Variants in MRPS28 observed in about 807,000 individuals in gnomAD.
MRPS28 encodes small ribosomal subunit protein bS1m.
Under a neutral mutation model 10.8 loss-of-function variants are expected in MRPS28, and 7 were observed. The observed-to-expected ratio is 0.65, with a 90% CI of 0.37 to 1.22. The LOEUF (loss-of-function observed/expected upper bound fraction) is 1.22, where lower values mean the gene tolerates loss of function less well. Among genes scored for constraint, MRPS28 ranks in the 50% most tolerant of loss-of-function variants. The pLI, the probability that MRPS28 is intolerant of heterozygous loss-of-function variation, is 0.02. For missense variants in MRPS28, 265 were observed against 232.9 expected (o/e 1.14, Z -0.90); for synonymous variants, 121 against 93.3 (o/e 1.30, Z -1.71).
intron 2 of MRPS28, among the ~76,000 whole-genome samples, chr8:79,999,748 T>C (rs1808608690): frequency 6.6e-6 from 1 of 152,222 alleles, no homozygotes; most frequent in African/African-American, 2.4e-5. Context: ...AAACTACTGA[T>C]GTTAAACCTT....
At chr8:80,004,624 A>C (rs552783821) in intron 1 of MRPS28, among the ~76,000 whole-genome samples, 16 of 152,358 alleles carry the variant, frequency 1.1e-4, no homozygotes. Context: ...CAATGGAACA[A>C]AGCTGGACAG....
intron 2 of MRPS28, among the ~76,000 whole-genome samples, chr8:79,961,454 C>A (rs1321868765): frequency 6.6e-6 from 1 of 152,104 alleles, no homozygotes; most frequent in Non-Finnish European, 1.5e-5. Context: ...ACCCAAATGC[C>A]AAATTCATTT....
At chr8:80,008,608 G>A (rs1257063656) in intron 1 of MRPS28, among the ~76,000 whole-genome samples, 4 of 152,204 alleles carry the variant, frequency 2.6e-5, no homozygotes, top group African/African-American at 7.2e-5. Flanking sequence ...CAAAAAGTGG[G>A]TGAAGGATAT....
chr8:80,027,433 C>T (rs1465704963), intron 1 of MRPS28, among the ~76,000 whole-genome samples: 1 of 152,192 alleles, frequency 6.6e-6, no homozygotes, highest in Non-Finnish European at 1.5e-5. Flanking sequence ...TTAACCCAAG[C>T]AGGGTCTTGA....
At chr8:79,954,560 C>CA (rs1355096626) in intron 2 of MRPS28, among the ~76,000 whole-genome samples, 2 of 152,172 alleles carry the variant, frequency 1.3e-5, no homozygotes, top group Non-Finnish European at 2.9e-5. Flanking sequence ...CCTTTTCCAT[C>CA]AAATATAGCC....
In MRPS28 at chr8:79,953,773, G is replaced by GA. The variant is rs1226357298; in HGVS notation, c.396-34626dup. On this transcript the variant is annotated intron_variant, in intron 2 of 2. Transcript: ENST00000276585. ...AGTGAAAAGGCAAGCCATAGAGTGG[G>GA]AAAAAATGTAAGTAACCAAGAAAGG... is the stretch of plus-strand genomic sequence containing the variant. Among the ~76,000 whole-genome samples, 27 of 152,208 alleles carry GA rather than the reference G, an allele frequency of 1.8e-4. No homozygotes were observed. The East Asian group carries it at 4.2e-3, about 24-fold the overall frequency.
intron 2 of MRPS28, among the ~76,000 whole-genome samples, chr8:79,931,355 T>C (rs1806456383): frequency 6.6e-6 from 1 of 152,182 alleles, no homozygotes; most frequent in Admixed American, 6.5e-5. Flanking sequence ...TTTCTAACTT[T>C]CTAAGAAAAG....
intron 1 of MRPS28, among the ~76,000 whole-genome samples, chr8:80,009,525 A>G (rs537075694): frequency 6.6e-6 from 1 of 152,294 alleles, no homozygotes; most frequent in Admixed American, 6.5e-5. Flanking sequence ...CCGAGGAAGG[A>G]GAATCACTTG....
intron 2 of MRPS28, among the ~76,000 whole-genome samples, chr8:79,991,782 C>CA (rs1808367562): frequency 6.6e-6 from 1 of 152,198 alleles, no homozygotes; most frequent in Admixed American, 6.5e-5. Flanking sequence ...CTCTAAAAGG[C>CA]AAAGCCCAAT....
At chr8:79,944,701 C>CTTTTT (rs57397948) in intron 2 of MRPS28, among the ~76,000 whole-genome samples, 94,394 of 137,250 alleles carry the variant, frequency 0.69, 32,871 homozygotes, top group East Asian at 0.81. Flanking sequence ...TTTCTTTTTT[C>CTTTTT]TTTTTTTTTT....
chr8:80,020,466 G>A (rs1361228845), intron 1 of MRPS28, among the ~76,000 whole-genome samples: 1 of 152,182 alleles, frequency 6.6e-6, no homozygotes, highest in Non-Finnish European at 1.5e-5. Context: ...GTAAATGCTG[G>A]TCAATGAAAA....
Position 80,030,068 on chromosome 8 carries a change from C to G in MRPS28, c.181G>C (p.Glu61Gln), listed in dbSNP as rs1563547651. Residue 61 changes from glutamate to glutamine, a missense_variant, in exon 1 of 3, where the codon GAG becomes CAG. Coordinates refer to ENST00000276585, the MANE Select transcript of MRPS28 (RefSeq NM_014018.3). ...AGGGGCTCCACCTTCTGTAGAAGCT[C>G]CGAGTGCCGCTCCAACGCGCTCGCG... ...GFASALERHSELLQKVEPLQK... is the reference protein window; with the variant it reads ...GFASALERHSQLLQKVEPLQK... The G allele has an allele frequency of 2.5e-6, 4 of 1,613,638 alleles. No homozygotes were observed. The highest frequency in any genetic ancestry group is 3.4e-6 in the Non-Finnish European group (4 of 1,179,760).
chr8:79,939,275 C>A (rs1410932618), intron 2 of MRPS28, among the ~76,000 whole-genome samples: 1 of 152,228 alleles, frequency 6.6e-6, no homozygotes, highest in East Asian at 1.9e-4. Flanking sequence ...TTCCTTAAGT[C>A]TCATCATGAT....
chr8:79,995,310 G>A (rs1808472623), intron 2 of MRPS28, among the ~76,000 whole-genome samples: 1 of 152,126 alleles, frequency 6.6e-6, no homozygotes, highest in Non-Finnish European at 1.5e-5. Flanking sequence ...TTGATAAAAT[G>A]TTTTACCAGT....
At chr8:79,951,234 G>A (rs1328287561) in intron 2 of MRPS28, among the ~76,000 whole-genome samples, 1 of 152,124 alleles carries the variant, frequency 6.6e-6, no homozygotes, top group Admixed American at 6.5e-5. Context: ...TGTTAGTCTA[G>A]GCTCACACAC....
intron 2 of MRPS28, among the ~76,000 whole-genome samples, chr8:79,929,394 C>T (rs551063879): frequency 5.9e-5 from 9 of 152,216 alleles, no homozygotes; most frequent in Admixed American, 2.0e-4. Flanking sequence ...TGACCTGCTC[C>T]GTGCAACACA....
rs115785810 is a variant in MRPS28, at chr8:79,995,692, A to C, written c.395+7307T>G. 1.7e-3 allele frequency among the ~76,000 whole-genome samples: 252 copies of C among 152,346 alleles called. 1 individual carries two copies. The highest frequency in any genetic ancestry group is 5.7e-3 in the African/African-American group (236 of 41,578). On this transcript the variant is annotated intron_variant, in intron 2 of 2. Coordinates refer to ENST00000276585, the MANE Select transcript of MRPS28 (RefSeq NM_014018.3). The stretch of plus-strand genomic sequence containing the variant: ...ATCTGGTGACATCAAGTAGCTACAC[A>C]GCCCAGTGAGACCTAAACAGAAGGA...
At chr8:79,986,091 C>T (rs1808159424) in intron 2 of MRPS28, among the ~76,000 whole-genome samples, 1 of 152,170 alleles carries the variant, frequency 6.6e-6, no homozygotes, top group Non-Finnish European at 1.5e-5. Context: ...ATCAAGTAGG[C>T]TTCATTCCTG....
chr8:79,928,629 T>C (rs983906834), intron 2 of MRPS28, among the ~76,000 whole-genome samples: 12 of 151,860 alleles, frequency 7.9e-5, no homozygotes, highest in African/African-American at 2.2e-4. Context: ...TTAGTAGAGA[T>C]GAGGTTTCAC....
Sources: gnomAD v4.1 joint callset for allele counts (sites outside exome capture counted in the v4.1 genomes callset) on GRCh38, gnomAD v4.1.1 for gene constraint, MANE v1.5 for transcripts, NCBI Gene and HGNC (gene_info 2026-07-23, HGNC 2026-07-21) for gene names.